Variants in CARD14 observed in about 807,000 individuals in gnomAD.
CARD14 encodes caspase recruitment domain family member 14, also known as caspase recruitment domain-containing protein 14.
In CARD14, 107 loss-of-function variants were observed where a neutral mutation model predicts 111.5. The observed-to-expected ratio is 0.96, with a 90% confidence interval of 0.82 to 1.13. CARD14 has a LOEUF of 1.13. CARD14 is among the 50% of genes most tolerant of loss of function. CARD14 has a pLI of 0.00. For missense variants in CARD14, 1,322 were observed against 1,362.3 expected, an observed-to-expected ratio of 0.97 and a Z score of 0.47; for synonymous variants, 617 against 579.6, an observed-to-expected ratio of 1.06 and a Z score of -0.93.
chr17:80,182,421 C>T lies in CARD14; in HGVS notation c.212-232C>T, dbSNP rs930329315. Among the ~76,000 whole-genome samples the T allele has an allele frequency of 6.6e-6, 1 of 152,216 alleles. No individual in the cohort carries two copies. The highest frequency in any genetic ancestry group is 1.5e-5 in the Non-Finnish European group (1 of 68,024). ...GGTTGCAGTAGTTGCTCGATACATGCCAGCTTTGCCCTTCTCGAGTCTGAC... is the reference window on the plus strand; with the variant it reads ...GGTTGCAGTAGTTGCTCGATACATGTCAGCTTTGCCCTTCTCGAGTCTGAC... On this transcript the variant is annotated intron_variant, in intron 5 of 23. Coordinates refer to ENST00000648509, the MANE Select transcript of CARD14 (RefSeq NM_001366385.1). This position sits in a 1 kb window ranked among gnomAD's most constrained non-coding sequence, Gnocchi z 4.7.
Position 80,182,938 on chromosome 17 carries a change from G to A in CARD14, c.349+148G>A. 1 of 948,358 alleles carries A rather than the reference G, an allele frequency of 1.1e-6. No homozygotes were observed. Among genetic ancestry groups the A allele is most frequent in the Non-Finnish European group, 1.6e-6 (1 of 632,934 alleles). 58.7% of individuals were successfully genotyped at this position (948,358 alleles called of 1,614,324 possible). A position where few individuals can be genotyped will look rare whatever the true frequency, so the allele number is the denominator to read the frequency against. On this transcript the variant is annotated intron_variant, in intron 6 of 23. Transcript: ENST00000648509. The surrounding 1 kb of genome is among the most constrained non-coding windows in gnomAD (Gnocchi z 4.7). Reference sequence around the variant, plus strand: ...CTGTCCCAGCCCCAGCACTCTGAGGGTGAGGAACCCCCTCACTGTATTGGG... The same window carrying A: ...CTGTCCCAGCCCCAGCACTCTGAGGATGAGGAACCCCCTCACTGTATTGGG...
chr17:80,185,751 T>C (rs1327602906), intron 7 of CARD14, among the ~76,000 whole-genome samples: 1 of 152,234 alleles, frequency 6.6e-6, no homozygotes, highest in Non-Finnish European at 1.5e-5. Flanking sequence ...CCTTTCTTTG[T>C]CTATTATGAG....
At chr17:80,192,365 A>T in intron 11 of CARD14, 138 bp from the exon 12 acceptor site, 1 of 652,404 alleles carries the variant, frequency 1.5e-6, no homozygotes. Flanking sequence ...ACAGGGACAC[A>T]ATTGTTTTCC....
At chr17:80,184,423 G>T (rs967815146) in intron 7 of CARD14, among the ~76,000 whole-genome samples, 185 bp downstream of exon 7, 1 of 152,076 alleles carries the variant, frequency 6.6e-6, no homozygotes, top group East Asian at 1.9e-4. Flanking sequence ...GGCCACCCAG[G>T]CCCCTCTGTG....
intron 1 of CARD14, among the ~76,000 whole-genome samples, chr17:80,170,765 C>CTCCCCTCCCCCCCCG (rs2039875919): frequency 1.2e-5 from 1 of 85,322 alleles, no homozygotes; most frequent in African/African-American, 4.3e-5. Flanking sequence ...TCTCTGGGCC[C>CTCCCCTCCCCCCCCG]TCCCCTCCCC....
intron 12 of CARD14, among the ~76,000 whole-genome samples, chr17:80,194,546 C>A (rs1428007723): frequency 6.6e-6 from 1 of 152,212 alleles, no homozygotes; most frequent in Admixed American, 6.5e-5. Flanking sequence ...CGTTCTCATG[C>A]TGGTGATACC....
Position 80,198,041 on chromosome 17 carries a change from A to T in CARD14, c.1595-58A>T. ...AGGGGCTGAGGTTACAGGAGGTTACAGGACGCCCCATCAGCAGTGGGGTGA... is the reference window on the plus strand; with the variant it reads ...AGGGGCTGAGGTTACAGGAGGTTACTGGACGCCCCATCAGCAGTGGGGTGA... On this transcript the variant is annotated intron_variant, in intron 14 of 23. Transcript: ENST00000648509. This position sits in a 1 kb window ranked among gnomAD's most constrained non-coding sequence, Gnocchi z 7.5. The T allele has an allele frequency of 6.4e-7, 1 of 1,557,306 alleles. No individual in the cohort carries two copies. The highest frequency in any genetic ancestry group is 8.8e-7 in the Non-Finnish European group (1 of 1,129,974).
intron 4 of CARD14, among the ~76,000 whole-genome samples, chr17:80,180,768 G>T (rs75103933): frequency 1.0e-5 from 1 of 98,342 alleles, no homozygotes; most frequent in Non-Finnish European, 2.3e-5. Context: ...GTTTGTTTGT[G>T]TGTTTGTTTA....
chr17:80,205,394 G>A, intron 21 of CARD14, 137 bp from the exon 22 acceptor site: 3 of 1,287,834 alleles, frequency 2.3e-6, no homozygotes, highest in Non-Finnish European at 3.2e-6. Flanking sequence ...TGCAGGGTCA[G>A]GTTTGTAAAG....
Position 80,204,254 on chromosome 17 carries a change from G to T in CARD14, c.2311G>T (p.Val771Phe), listed in dbSNP as rs1291071353. The T allele has an allele frequency of 3.1e-6, 5 of 1,597,520 alleles. No individual in the cohort carries two copies. The highest frequency in any genetic ancestry group is 2.7e-5 in the African/African-American group (2 of 74,610). The change falls in exon 20 of 24, where the codon GTC becomes TTC. Residue 771 changes from valine to phenylalanine, a missense_variant. Physicochemically the swap from Val to Phe is conservative, Grantham distance 50. Coordinates refer to ENST00000648509, the MANE Select transcript of CARD14 (RefSeq NM_001366385.1). ...KPSSGGPQKL[V>F]RIVSMDKAKA... ...ATCTTCTGGGGGACCACAGAAGCTGGTCCGCATCGTCAGTATGGACAAAGC... is the reference window on the plus strand; with the variant it reads ...ATCTTCTGGGGGACCACAGAAGCTGTTCCGCATCGTCAGTATGGACAAAGC...
At position 80,203,707 on chromosome 17, in the gene CARD14, T is replaced by C. The variant is rs1685070446; in HGVS notation, c.2220-115T>C. On this transcript the variant is annotated intron_variant, in intron 18 of 23. Transcript: ENST00000648509. This position sits in a 1 kb window ranked among gnomAD's most constrained non-coding sequence, Gnocchi z 4.6. ...GCAAAGGGATGTGTGGAGCTCTAGGTGGAGGCCCTTCTCTCCCACCCGGCC... is the reference window on the plus strand; with the variant it reads ...GCAAAGGGATGTGTGGAGCTCTAGGCGGAGGCCCTTCTCTCCCACCCGGCC... 4.5e-6 allele frequency: 3 copies of C among 672,914 alleles called. No homozygotes were observed. The highest frequency in any genetic ancestry group is 7.6e-6 in the Non-Finnish European group (3 of 392,354). 41.7% of individuals were successfully genotyped at this position (672,914 alleles called of 1,614,324 possible).
Position 80,182,929 on chromosome 17 carries a change from A to G in CARD14, c.349+139A>G. ...CTGCAGTTCCTGTCCCAGCCCCAGC[A>G]CTCTGAGGGTGAGGAACCCCCTCAC... On this transcript the variant is annotated intron_variant, in intron 6 of 23. Coordinates refer to ENST00000648509, the MANE Select transcript of CARD14 (RefSeq NM_001366385.1). The surrounding 1 kb of genome is among the most constrained non-coding windows in gnomAD (Gnocchi z 4.7). 2.9e-6 allele frequency: 3 copies of G among 1,030,210 alleles called. No individual in the cohort carries two copies. The highest frequency in any genetic ancestry group is 4.3e-6 in the Non-Finnish European group (3 of 702,800). 63.8% of individuals were successfully genotyped at this position (1,030,210 alleles called of 1,614,324 possible).
In CARD14 at chr17:80,176,046, C is replaced by T. The variant is rs796551563; in HGVS notation, c.-366-2462C>T. 2.4e-4 allele frequency among the ~76,000 whole-genome samples: 33 copies of T among 134,772 alleles called. No individual in the cohort carries two copies. The Admixed American group carries it at 2.5e-3, about 10-fold the overall frequency. 88.4% of individuals were successfully genotyped at this position (134,772 alleles called of 152,430 possible). ...CTAGTCTTGAACTCCTGGGCTCAAG[C>T]GATCCTCCTGCCTCTGCCTTCCAAA... On this transcript the variant is annotated intron_variant, in intron 2 of 23. Coordinates refer to ENST00000648509, the MANE Select transcript of CARD14 (RefSeq NM_001366385.1).
At position 80,182,584 on chromosome 17, in the gene CARD14, A is replaced by T. The variant is rs2040207981; in HGVS notation, c.212-69A>T. On this transcript the variant is annotated intron_variant, in intron 5 of 23. Transcript: ENST00000648509. The surrounding 1 kb of genome is among the most constrained non-coding windows in gnomAD (Gnocchi z 4.7). ...AGCCCCAGGCCTCTCCCCCGTGGGG[A>T]AGCCAGCCAGGGAGCCCAGCCCCCT... is the stretch of plus-strand genomic sequence containing the variant. 1.3e-5 allele frequency: 21 copies of T among 1,584,512 alleles called. No homozygotes were observed. Among genetic ancestry groups the T allele is most frequent in the Non-Finnish European group, 1.7e-5 (20 of 1,162,386 alleles).
At chr17:80,200,022 C>T (rs1437798506) in intron 16 of CARD14, among the ~76,000 whole-genome samples, 2 of 151,680 alleles carry the variant, frequency 1.3e-5, no homozygotes, top group Admixed American at 6.6e-5. Flanking sequence ...GATGGGGGCT[C>T]TGGGGTGGGA....
chr17:80,184,982 G>A (rs1440793667), intron 7 of CARD14, among the ~76,000 whole-genome samples: 1 of 152,200 alleles, frequency 6.6e-6, no homozygotes, highest in African/African-American at 2.4e-5. Context: ...TGATTGGTAA[G>A]GCTTCTCAAA....
rs2039936009 is a variant in CARD14, at chr17:80,172,897, T to TTTTTTTTTTTTTTTTTTTTG, written c.-689-8_-689-7insTTTTTTTTTTTTTTTTTTGT. 7.6e-6 allele frequency: 1 copy of TTTTTTTTTTTTTTTTTTTTG among 131,282 alleles called. No individual in the cohort carries two copies. The highest frequency in any genetic ancestry group is 1.6e-5 in the Non-Finnish European group (1 of 61,830). The allele number at this position is 131,282 out of a possible 1,614,324, so 8.1% of individuals were successfully genotyped here. On this transcript the variant is annotated splice_polypyrimidine_tract_variant and intron_variant, in intron 1 of 23. Coordinates refer to ENST00000648509, the MANE Select transcript of CARD14 (RefSeq NM_001366385.1). ...CTTTTTTTTTTTTTTTTTTTTTTTT[T>TTTTTTTTTTTTTTTTTTTTG]TGAGGTAGAGTTTCACTCTGGCTCC...
Position 80,198,030 on chromosome 17 carries a change from C to G in CARD14, c.1595-69C>G. 1 of 1,489,040 alleles carries G rather than the reference C, an allele frequency of 6.7e-7. No homozygotes were observed. Among genetic ancestry groups the G allele is most frequent in the Non-Finnish European group, 9.4e-7 (1 of 1,069,270 alleles). 92.2% of individuals were successfully genotyped at this position (1,489,040 alleles called of 1,614,324 possible). ...ATCTGTGAAGAAGGGGCTGAGGTTA[C>G]AGGAGGTTACAGGACGCCCCATCAG... On this transcript the variant is annotated intron_variant, in intron 14 of 23. Transcript: ENST00000648509. The surrounding 1 kb of genome is among the most constrained non-coding windows in gnomAD (Gnocchi z 7.5).
Position 80,198,133 on chromosome 17 carries a change from C to G in CARD14, c.1629C>G (p.Val543=). The change falls in exon 15 of 24, where the codon GTC becomes GTG. Residue 543 remains valine, a synonymous_variant. Coordinates refer to ENST00000648509, the MANE Select transcript of CARD14 (RefSeq NM_001366385.1). The surrounding 1 kb of genome is among the most constrained non-coding windows in gnomAD (Gnocchi z 7.5). ...AGCTGGAAAGCAGCCTGCAGCCAGT[C>G]TCCCCTGGAAGGCTTGATGTCTCGG... is the stretch of plus-strand genomic sequence containing the variant. The part of the protein sequence containing the change: ...LPQLESSLQP[V]SPGRLDVSES... 1 of 1,613,836 alleles carries G rather than the reference C, an allele frequency of 6.2e-7. No homozygotes were observed.
Sources: allele counts gnomAD v4.1 joint callset (sites outside exome capture counted in the v4.1 genomes callset), GRCh38; gene constraint gnomAD v4.1.1; non-coding constraint Gnocchi (gnomAD v3.1); transcripts MANE v1.5; gene names NCBI Gene and HGNC (gene_info 2026-07-23, HGNC 2026-07-21).